ASIC2: variants seen among roughly 807,000 people sequenced by gnomAD.
ASIC2 encodes the protein acid sensing ion channel subunit 2.
In ASIC2, 25 loss-of-function variants were observed where a neutral mutation model predicts 57.3. That is an observed-to-expected ratio of 0.44 (90% CI 0.32 to 0.61). The LOEUF is 0.61. ASIC2 is among the 20% of genes least tolerant of loss of function. The pLI is 0.06. For synonymous variants in ASIC2, 319 were observed against 307.5 expected, an observed-to-expected ratio of 1.04 and a Z score of -0.39; for missense variants, 641 against 738.1, an observed-to-expected ratio of 0.87 and a Z score of 1.52.
At chr17:33,113,058 A>G (rs943996117) in intron 1 of ASIC2, among the ~76,000 whole-genome samples, 1 of 152,148 alleles carries the variant, frequency 6.6e-6, no homozygotes, top group Non-Finnish European at 1.5e-5. Flanking sequence ...TGCTTAGTAC[A>G]TTGCTGGCAC....
At chr17:33,934,926 C>T (rs1335045753) in intron 1 of ASIC2, among the ~76,000 whole-genome samples, 1 of 152,196 alleles carries the variant, frequency 6.6e-6, no homozygotes, top group Non-Finnish European at 1.5e-5. Flanking sequence ...CTCTGCCACC[C>T]CATTCTCCAC....
chr17:33,618,197 G>A (rs186803852), intron 1 of ASIC2, among the ~76,000 whole-genome samples: 12 of 144,428 alleles, frequency 8.3e-5, no homozygotes, highest in African/African-American at 2.9e-4. Context: ...TAGTTATTCA[G>A]TTCTCCTTGG....
At chr17:33,071,722 GA>G (rs1213455398) in intron 3 of ASIC2, among the ~76,000 whole-genome samples, 2 of 152,148 alleles carry the variant, frequency 1.3e-5, no homozygotes, top group African/African-American at 4.8e-5. Context: ...AAGTTACTTA[GA>G]AAGAGTTTGA....
chr17:34,031,049 C>T (rs557784172), intron 1 of ASIC2, among the ~76,000 whole-genome samples: 52 of 152,344 alleles, frequency 3.4e-4, no homozygotes, highest in Non-Finnish European at 6.0e-4. Context: ...GATCTGAGAT[C>T]GGGCAGACTG....
chr17:34,151,369 T>C (rs1284960240), intron 1 of ASIC2, among the ~76,000 whole-genome samples: 1 of 152,206 alleles, frequency 6.6e-6, no homozygotes, highest in Non-Finnish European at 1.5e-5. Context: ...GGCTTTAGGC[T>C]ATTTTTATCA....
At chr17:33,450,090 C>A (rs1252905694) in intron 1 of ASIC2, among the ~76,000 whole-genome samples, 1 of 152,152 alleles carries the variant, frequency 6.6e-6, no homozygotes, top group Non-Finnish European at 1.5e-5. Flanking sequence ...ACTTTTATTG[C>A]AGCATTACTG....
intron 3 of ASIC2, among the ~76,000 whole-genome samples, chr17:33,055,439 C>T (rs978785420): frequency 2.0e-5 from 3 of 152,168 alleles, no homozygotes; most frequent in Non-Finnish European, 2.9e-5. Flanking sequence ...CTTCCTGCTC[C>T]CCCGTCTGCT....
At chr17:33,627,232 C>CA (rs1906015912) in intron 1 of ASIC2, 1 of 152,262 alleles carries the variant, frequency 6.6e-6, no homozygotes, top group South Asian at 2.1e-4. Flanking sequence ...TCTAGAGACA[C>CA]AGGCATGTCT....
chr17:33,203,781 C>T (rs1038122115), intron 1 of ASIC2, among the ~76,000 whole-genome samples: 6 of 152,180 alleles, frequency 3.9e-5, no homozygotes, highest in East Asian at 3.9e-4. Context: ...ATCCTGGCTG[C>T]GGGTGGCTTG....
intron 1 of ASIC2, among the ~76,000 whole-genome samples, chr17:33,604,392 T>G (rs1905176999): frequency 6.6e-6 from 1 of 152,168 alleles, no homozygotes; most frequent in South Asian, 2.1e-4. Flanking sequence ...GTCTAGCTCC[T>G]TGGGTGCCCT....
At chr17:33,618,942 A>G (rs1224641949) in intron 1 of ASIC2, among the ~76,000 whole-genome samples, 1 of 152,034 alleles carries the variant, frequency 6.6e-6, no homozygotes, top group Non-Finnish European at 1.5e-5. Context: ...ATCCCTAATC[A>G]TTCTTCAAAT....
At chr17:33,464,881 G>GGAC (rs1302594941) in intron 1 of ASIC2, among the ~76,000 whole-genome samples, 1 of 151,806 alleles carries the variant, frequency 6.6e-6, no homozygotes, top group African/African-American at 2.4e-5. Flanking sequence ...CCTTGACTCA[G>GGAC]GACTTTTCAC....
At chr17:33,800,289 G>T (rs964162901) in intron 1 of ASIC2, among the ~76,000 whole-genome samples, 12 of 152,118 alleles carry the variant, frequency 7.9e-5, no homozygotes, top group African/African-American at 2.9e-4. Context: ...TTTTGCACAG[G>T]AATTGTGGGC....
At chr17:34,076,478 T>C (rs1349004830) in intron 1 of ASIC2, among the ~76,000 whole-genome samples, 1 of 152,180 alleles carries the variant, frequency 6.6e-6, no homozygotes, top group Non-Finnish European at 1.5e-5. Context: ...CTACCTTTTA[T>C]TGTATATATA....
At chr17:33,982,732 A>T (rs1256272586) in intron 1 of ASIC2, among the ~76,000 whole-genome samples, 2 of 152,168 alleles carry the variant, frequency 1.3e-5, no homozygotes. Context: ...CTTTGAAAGG[A>T]GATTGTATAG....
chr17:33,958,105 C>T (rs1768033323), intron 1 of ASIC2, among the ~76,000 whole-genome samples: 1 of 152,240 alleles, frequency 6.6e-6, no homozygotes, highest in Admixed American at 6.5e-5. Context: ...TATGCTGTTG[C>T]AAGAAGTGAG....
chr17:33,143,460 T>C (rs929923487), intron 1 of ASIC2, among the ~76,000 whole-genome samples: 2 of 152,224 alleles, frequency 1.3e-5, no homozygotes, highest in African/African-American at 4.8e-5. Context: ...GTTTCTCATA[T>C]ATTATCCCTA....
chr17:34,110,154 A>T (rs905746287), intron 1 of ASIC2, among the ~76,000 whole-genome samples: 1 of 152,232 alleles, frequency 6.6e-6, no homozygotes, highest in African/African-American at 2.4e-5. Flanking sequence ...AAGAAAATCA[A>T]GAACAACCTT....
intron 1 of ASIC2, among the ~76,000 whole-genome samples, chr17:33,494,543 G>T (rs931694835): frequency 6.6e-6 from 1 of 152,172 alleles, no homozygotes; most frequent in African/African-American, 2.4e-5. Context: ...GCTCAGGGAT[G>T]GAGTCGCAGG....
Sources: gnomAD v4.1 joint callset for allele counts (sites outside exome capture counted in the v4.1 genomes callset) on GRCh38, gnomAD v4.1.1 for gene constraint, MANE v1.5 for transcripts, NCBI Gene and HGNC (gene_info 2026-07-23, HGNC 2026-07-21) for gene names.